The following PKD2L1 variants were observed in gnomAD, a reference collection of about 807,000 sequenced individuals.
The protein encoded by PKD2L1 is polycystin 2 like 1, transient receptor potential cation channel.
Under a neutral mutation model 93.0 loss-of-function variants are expected in PKD2L1, and 77 were observed. That is an observed-to-expected ratio of 0.83 (90% confidence interval 0.69 to 1.00). The LOEUF (loss-of-function observed/expected upper bound fraction) is 1.00. PKD2L1 is among the 50% of genes least tolerant of loss of function. The probability of loss-of-function intolerance (pLI) is 0.00; values close to 1 mark genes in which losing one functional copy is unlikely to be tolerated. For missense variants in PKD2L1, 977 were observed against 990.9 expected, an observed-to-expected ratio of 0.99 and a Z score of 0.19; for synonymous variants, 390 against 388.0, an observed-to-expected ratio of 1.01 and a Z score of -0.06.
rs10883456 is a variant in PKD2L1 at position 100,302,694 on chromosome 10, A to C, written c.350-2976T>G. ...GTGACAAAGTGAGACTCTGTCCCCCAAAAAAAAAAAAAATTGTTCCAGGTT... is the reference window on the plus strand; with the variant it reads ...GTGACAAAGTGAGACTCTGTCCCCCCAAAAAAAAAAAAATTGTTCCAGGTT... On this transcript the variant is annotated intron_variant, in intron 2 of 15. Transcript: ENST00000318222. 8.5e-3 allele frequency among the ~76,000 whole-genome samples: 444 copies of C among 52,328 alleles called. 3 individuals carry two copies. The highest frequency in any genetic ancestry group is 0.019 in the East Asian group (21 of 1,128). 34.3% of individuals were successfully genotyped at this position (52,328 alleles called of 152,430 possible).
At chr10:100,315,123 A>G (rs1180346715) in intron 2 of PKD2L1, among the ~76,000 whole-genome samples, 1 of 75,894 alleles carries the variant, frequency 1.3e-5, no homozygotes, top group Non-Finnish European at 2.8e-5. Flanking sequence ...AGGGAAGAGA[A>G]AACAGTTGAA....
At chr10:100,328,697 G>T (rs527331409) in intron 2 of PKD2L1, among the ~76,000 whole-genome samples, 1 of 151,750 alleles carries the variant, frequency 6.6e-6, no homozygotes, top group African/African-American at 2.4e-5. Context: ...GGGTTTAAGC[G>T]ATTCTCCTGC....
intron 6 of PKD2L1, among the ~76,000 whole-genome samples, chr10:100,296,763 T>C (rs529528246): frequency 6.7e-6 from 1 of 148,280 alleles, no homozygotes; most frequent in South Asian, 2.1e-4. Context: ...AGGGCTCAGA[T>C]GACAGGTGAG....
At position 100,329,860 on chromosome 10, in the gene PKD2L1, A is replaced by T. The variant is rs1849465387; in HGVS notation, c.235+9T>A. ...AATATCCCAGGAGAACTGTCCCCCT[A>T]TCTGGTACCTCTGATGCCTTGACAG... On this transcript the variant is annotated intron_variant, in intron 1 of 15. Transcript: ENST00000318222. 1 of 1,564,228 alleles carries T rather than the reference A, an allele frequency of 6.4e-7. No homozygotes were observed. The highest frequency in any genetic ancestry group is 1.7e-5 in the Admixed American group (1 of 58,478).
At chr10:100,322,463 A>G (rs1849283493) in intron 2 of PKD2L1, among the ~76,000 whole-genome samples, 1 of 151,832 alleles carries the variant, frequency 6.6e-6, no homozygotes, top group African/African-American at 2.4e-5. Flanking sequence ...GGGTGAAAGA[A>G]CCAGACTCTG....
In PKD2L1 at chr10:100,329,324, C is replaced by G; in HGVS notation, c.236G>C (p.Gly79Ala). Reference protein sequence around the residue: ...CCLHICQGIRGLWGTTLTENT... With the variant: ...CCLHICQGIRALWGTTLTENT... ...CTCAGTCAGGGTTGTTCCCCAAAGT[C>G]CTAAGGGGCATGGGAGAGATGCCTG... Residue 79 changes from glycine (G) to alanine (A), a missense_variant and splice_region_variant, in exon 2 of 16, where the codon GGA (glycine) becomes GCA (alanine). By Grantham distance (60) the Gly-to-Ala change is moderately conservative (BLOSUM62 0). Coordinates refer to ENST00000318222, the MANE Select transcript of PKD2L1 (RefSeq NM_016112.3). 1 of 1,614,188 alleles carries G rather than the reference C, an allele frequency of 6.2e-7. No homozygotes were observed. Among genetic ancestry groups the G allele is most frequent in the Non-Finnish European group, 8.5e-7 (1 of 1,180,034 alleles).
At chr10:100,311,354 G>A (rs1370920597) in intron 2 of PKD2L1, among the ~76,000 whole-genome samples, 3 of 152,092 alleles carry the variant, frequency 2.0e-5, no homozygotes, top group Admixed American at 6.5e-5. Flanking sequence ...ATATTTTACT[G>A]TATCTGCACT....
chr10:100,299,995 T>A (rs1848642011), intron 2 of PKD2L1, among the ~76,000 whole-genome samples: 1 of 152,224 alleles, frequency 6.6e-6, no homozygotes, highest in Non-Finnish European at 1.5e-5. Context: ...ATTATAAAAA[T>A]ACACTTTTCT....
intron 1 of PKD2L1, 112 bp downstream of exon 1, chr10:100,329,757 C>T (rs907875770): frequency 2.1e-5 from 16 of 748,984 alleles, no homozygotes; most frequent in South Asian, 1.0e-4. Flanking sequence ...AAAGTGACAC[C>T]GAAAGGTCAC....
chr10:100,295,145 A>C (rs759959741), intron 7 of PKD2L1, 22 bp from the exon 8 acceptor site: 2 of 1,602,436 alleles, frequency 1.2e-6, no homozygotes, highest in Admixed American at 1.7e-5. Flanking sequence ...ATGTTGAACC[A>C]AGGGATGAAG....
intron 2 of PKD2L1, among the ~76,000 whole-genome samples, chr10:100,316,764 G>A (rs1047275730): frequency 2.6e-5 from 4 of 152,060 alleles, no homozygotes; most frequent in African/African-American, 9.7e-5. Flanking sequence ...CATTTATTTG[G>A]GTTATATCTA....
chr10:100,288,995 C>T lies in PKD2L1; in HGVS notation c.2312G>A (p.Gly771Glu). 1.9e-6 allele frequency: 3 copies of T among 1,610,920 alleles called. No homozygotes were observed. The highest frequency in any genetic ancestry group is 2.5e-6 in the Non-Finnish European group (3 of 1,178,056). ...PAPAVTPDPW[G>E]VQGGQESEVP... ...ACCACTCTCCTGCCCACCCTGGACT[C>T]CCCAGGGGTCTGGGGTCACAGCTGG... Residue 771 changes from glycine (G) to glutamate (E), a missense_variant, in exon 15 of 16, where the codon GGA (glycine) becomes GAA (glutamate). Transcript: ENST00000318222.
chr10:100,319,920 C>T (rs1335478893), intron 2 of PKD2L1, among the ~76,000 whole-genome samples: 1 of 152,176 alleles, frequency 6.6e-6, no homozygotes, highest in Non-Finnish European at 1.5e-5. Flanking sequence ...ATGTTTCCTC[C>T]ATCAACAAAA....
chr10:100,301,713 G>A (rs560296979), intron 2 of PKD2L1, among the ~76,000 whole-genome samples: 10 of 152,194 alleles, frequency 6.6e-5, no homozygotes, highest in Admixed American at 2.0e-4. Context: ...TGCAGTTAAC[G>A]CAATCATCAC....
intron 2 of PKD2L1, among the ~76,000 whole-genome samples, chr10:100,309,828 A>G (rs567531170): frequency 6.6e-6 from 1 of 152,342 alleles, no homozygotes; most frequent in East Asian, 1.9e-4. Context: ...ACTGAGTAAC[A>G]GAAACAGACA....
At position 100,288,311 on chromosome 10, in the gene PKD2L1, C is replaced by T; in HGVS notation, c.*85G>A. The stretch of plus-strand genomic sequence containing the variant: ...TCCATTTTTATCTCCTGGTTAAAGC[C>T]CACTCAGTTTCCAGGTTCAGTGGAC... On this transcript the variant is annotated 3_prime_UTR_variant, in exon 16 of 16. Coordinates refer to ENST00000318222, the MANE Select transcript of PKD2L1 (RefSeq NM_016112.3). 1 of 831,312 alleles carries T rather than the reference C, an allele frequency of 1.2e-6. No individual in the cohort carries two copies. Among genetic ancestry groups the T allele is most frequent in the South Asian group, 1.4e-5 (1 of 73,094 alleles). 51.5% of individuals were successfully genotyped at this position (831,312 alleles called of 1,614,324 possible). A position where few individuals can be genotyped will look rare whatever the true frequency, so the allele number is the denominator to read the frequency against.
Position 100,296,170 on chromosome 10 carries a change from T to C in PKD2L1, c.1308A>G (p.Thr436=), listed in dbSNP as rs1166593682. Residue 436 remains threonine, a synonymous_variant, in exon 7 of 16, where the codon ACA becomes ACG. Transcript: ENST00000318222. ...TGACAGCATTCATGTTGTTGTACTG[T>C]GTCTGCCAGAAGGCGAGGAACTCAA... ...ADFEFLAFWQ[T]QYNNMNAVNL... is the part of the protein sequence containing the mutation. The C allele has an allele frequency of 6.2e-7, 1 of 1,612,586 alleles. No individual in the cohort carries two copies. The highest frequency in any genetic ancestry group is 8.5e-7 in the Non-Finnish European group (1 of 1,179,382).
In PKD2L1 at chr10:100,297,000, G is replaced by A. The variant is rs771405166; in HGVS notation, c.1165C>T (p.Leu389=). The change falls in exon 6 of 16, where the codon CTG becomes TTG. Residue 389 remains leucine (L), a synonymous_variant. Transcript: ENST00000318222. ...LRYLSSIWNI[L]DLVVILLSIV... Reference sequence around the variant, plus strand: ...CTCACCAAGATGACCACCAGGTCCAGTATGTTCCAGATGCTGCTGAGGTAG... The same window carrying A: ...CTCACCAAGATGACCACCAGGTCCAATATGTTCCAGATGCTGCTGAGGTAG... 1.6e-5 allele frequency: 26 copies of A among 1,612,492 alleles called. No homozygotes were observed. The highest frequency in any genetic ancestry group is 3.3e-4 in the Middle Eastern group (2 of 6,060).
At chr10:100,318,435 A>G (rs1849149718) in intron 2 of PKD2L1, among the ~76,000 whole-genome samples, 1 of 152,002 alleles carries the variant, frequency 6.6e-6, no homozygotes, top group Non-Finnish European at 1.5e-5. Flanking sequence ...TACGAGTTAT[A>G]TGCTCTTTTG....
Sources: gnomAD v4.1 joint callset for allele counts (sites outside exome capture counted in the v4.1 genomes callset) on GRCh38, gnomAD v4.1.1 for gene constraint, MANE v1.5 for transcripts, NCBI Gene and HGNC (gene_info 2026-07-23, HGNC 2026-07-21) for gene names.